SCFD2: variants seen among roughly 807,000 people sequenced by gnomAD.
SCFD2 encodes the protein sec1 family domain containing 2.
Under a neutral mutation model 58.9 loss-of-function variants are expected in SCFD2, and 54 were observed. The observed-to-expected ratio is 0.92, with a 90% CI of 0.74 to 1.15. The LOEUF (loss-of-function observed/expected upper bound fraction) is 1.15, where lower values mean the gene tolerates loss of function less well. Among genes scored for constraint, SCFD2 ranks in the 50% most tolerant of loss-of-function variants. The pLI, the probability that SCFD2 is intolerant of heterozygous loss-of-function variation, is 0.00. For missense variants in SCFD2, 805 were observed against 836.6 expected (o/e 0.96, Z 0.47); for synonymous variants, 321 against 335.9 (o/e 0.96, Z 0.49).
intron 4 of SCFD2, among the ~76,000 whole-genome samples, chr4:53,268,828 GGA>G (rs1347310706): frequency 2.6e-5 from 4 of 152,264 alleles, no homozygotes; most frequent in African/African-American, 9.6e-5. Flanking sequence ...GAGCAGGAAG[GGA>G]GAGCCCAGGT....
chr4:52,951,549 T>A (rs1258162933), intron 5 of SCFD2, among the ~76,000 whole-genome samples: 1 of 152,194 alleles, frequency 6.6e-6, no homozygotes, highest in African/African-American at 2.4e-5. Context: ...GGGGGATGTG[T>A]TGTGGCAGAA....
intron 5 of SCFD2, among the ~76,000 whole-genome samples, chr4:53,044,633 C>T (rs991660300): frequency 8.8e-4 from 2 of 2,276 alleles, no homozygotes; most frequent in African/African-American, 1.6e-3. Flanking sequence ...CCCTCCCTCC[C>T]TCCTTTTTTC....
chr4:53,022,032 T>C (rs1464181297), intron 5 of SCFD2, among the ~76,000 whole-genome samples: 1 of 152,154 alleles, frequency 6.6e-6, no homozygotes, highest in East Asian at 1.9e-4. Context: ...AGCATGATGG[T>C]AAATGCCAAT....
At chr4:53,143,795 T>TACACACACACACAC (rs113492027) in intron 5 of SCFD2, among the ~76,000 whole-genome samples, 5 of 146,658 alleles carry the variant, frequency 3.4e-5, no homozygotes, top group East Asian at 4.0e-4. Context: ...CACCTAAACA[T>TACACACACACACAC]ACACACACAC....
At position 53,273,822 on chromosome 4, in the gene SCFD2, A is replaced by G. The variant is rs201996913; in HGVS notation, c.1311+4T>C. 1,027 of 1,609,928 alleles carry G rather than the reference A, an allele frequency of 6.4e-4. No homozygotes were observed. The highest frequency in any genetic ancestry group is 8.4e-4 in the Non-Finnish European group (992 of 1,178,202). On this transcript the variant is annotated splice_donor_region_variant and intron_variant, in intron 4 of 8. Transcript: ENST00000401642. ...GATCCCACGAGGTTCCCATAGCAAC[A>G]TACCTGAAGAAGGAGCCTTTCAAAA...
Position 53,300,013 on chromosome 4 carries a change from A to G in SCFD2, c.1135+13623T>C, listed in dbSNP as rs374774447. Among the ~76,000 whole-genome samples, 40 of 152,358 alleles carry G rather than the reference A, an allele frequency of 2.6e-4. 1 individual carries two copies. In the South Asian group the frequency reaches 3.3e-3, roughly 13 times the overall value. On this transcript the variant is annotated intron_variant, in intron 3 of 8. Coordinates refer to ENST00000401642, the MANE Select transcript of SCFD2 (RefSeq NM_152540.4). ...AAAAACATGCAAAATTGTAAAGACC[A>G]TCAAAGCAAGGAAGAAACTGCATCA... is the stretch of plus-strand genomic sequence containing the variant.
intron 2 of SCFD2, 134 bp downstream of exon 2, chr4:53,352,464 C>T: frequency 3.3e-6 from 2 of 597,104 alleles, no homozygotes; most frequent in Non-Finnish European, 5.5e-6. Flanking sequence ...ATGCTTTTTG[C>T]TAAATGCTAC....
At chr4:52,991,489 C>T (rs1721611604) in intron 5 of SCFD2, among the ~76,000 whole-genome samples, 1 of 152,088 alleles carries the variant, frequency 6.6e-6, no homozygotes, top group African/African-American at 2.4e-5. Flanking sequence ...ATGGAAGGTT[C>T]CCAAATCTGG....
intron 5 of SCFD2, among the ~76,000 whole-genome samples, chr4:53,120,138 G>A (rs1017432491): frequency 7.2e-5 from 11 of 152,090 alleles, no homozygotes; most frequent in South Asian, 6.2e-4. Flanking sequence ...CGCATTTGAC[G>A]AAAACTATAC....
intron 5 of SCFD2, among the ~76,000 whole-genome samples, chr4:53,019,230 A>C (rs935287987): frequency 1.3e-4 from 20 of 152,208 alleles, no homozygotes; most frequent in African/African-American, 4.6e-4. Context: ...AAAATAGGAA[A>C]ATGCTTAAAT....
At chr4:53,313,890 A>G (rs1421855737) in intron 2 of SCFD2, 127 bp from the exon 3 acceptor site, 1 of 725,670 alleles carries the variant, frequency 1.4e-6, no homozygotes, top group Non-Finnish European at 2.2e-6. Flanking sequence ...GATAGACTCT[A>G]AGTATTAGGA....
intron 3 of SCFD2, among the ~76,000 whole-genome samples, chr4:53,306,400 G>T (rs1345546256): frequency 1.3e-5 from 2 of 152,050 alleles, no homozygotes; most frequent in Non-Finnish European, 2.9e-5. Context: ...AAAGGGAAAA[G>T]AACCCAACAA....
intron 4 of SCFD2, among the ~76,000 whole-genome samples, chr4:53,271,657 T>A (rs1731172330): frequency 6.6e-6 from 1 of 151,938 alleles, no homozygotes; most frequent in Non-Finnish European, 1.5e-5. Flanking sequence ...GAGACAAGAT[T>A]TTGCCATGTT....
chr4:52,947,067 C>T (rs1195216791), intron 5 of SCFD2, among the ~76,000 whole-genome samples: 1 of 152,122 alleles, frequency 6.6e-6, no homozygotes, highest in East Asian at 1.9e-4. Flanking sequence ...GAGTTGGCTC[C>T]TGCACTGTTC....
chr4:53,175,619 A>G lies in SCFD2; in HGVS notation c.1312-30037T>C, dbSNP rs532194499. On this transcript the variant is annotated intron_variant, in intron 4 of 8. Coordinates refer to ENST00000401642, the MANE Select transcript of SCFD2 (RefSeq NM_152540.4). ...CTTATCTTTTCTCAGGAAAGATTTA[A>G]AGCACAAAGATCAATGACTAATTTA... is the stretch of plus-strand genomic sequence containing the variant. Among the ~76,000 whole-genome samples, 7 of 152,334 alleles carry G rather than the reference A, an allele frequency of 4.6e-5. No homozygotes were observed. The South Asian group carries it at 1.4e-3, about 32-fold the overall frequency.
At chr4:53,024,643 A>G (rs1013394715) in intron 5 of SCFD2, among the ~76,000 whole-genome samples, 1 of 150,798 alleles carries the variant, frequency 6.6e-6, no homozygotes, top group Non-Finnish European at 1.5e-5. Context: ...AAATATTCCC[A>G]TGTTTTTTTC....
intron 5 of SCFD2, among the ~76,000 whole-genome samples, chr4:53,075,381 T>C (rs1467138257): frequency 1.3e-5 from 2 of 152,344 alleles, no homozygotes; most frequent in Admixed American, 1.3e-4. Flanking sequence ...TTCAGTTACT[T>C]ATTGTTTGTG....
chr4:53,321,867 T>C (rs1256631803), intron 2 of SCFD2, among the ~76,000 whole-genome samples: 4 of 152,224 alleles, frequency 2.6e-5, no homozygotes, highest in African/African-American at 9.6e-5. Context: ...GTTCATTCTT[T>C]CTTTCAAAAT....
At chr4:53,298,901 A>C (rs1252983615) in intron 3 of SCFD2, among the ~76,000 whole-genome samples, 1 of 152,202 alleles carries the variant, frequency 6.6e-6, no homozygotes, top group Non-Finnish European at 1.5e-5. Context: ...GTTAGAAGGA[A>C]AACTAACAAA....
Sources: allele counts gnomAD v4.1 joint callset (sites outside exome capture counted in the v4.1 genomes callset), GRCh38; gene constraint gnomAD v4.1.1; transcripts MANE v1.5; gene names NCBI Gene and HGNC (gene_info 2026-07-23, HGNC 2026-07-21).